Variants in LY75 observed in about 807,000 individuals in gnomAD.
LY75 encodes the protein lymphocyte antigen 75.
In LY75, 185 loss-of-function variants were observed where a neutral mutation model predicts 231.7. That is an observed-to-expected ratio of 0.80 (90% CI 0.71 to 0.90). The LOEUF (loss-of-function observed/expected upper bound fraction) is 0.90. LY75 is among the 40% of genes least tolerant of loss of function. LY75 has a pLI of 0.00. For synonymous variants in LY75, 668 were observed against 689.0 expected, an observed-to-expected ratio of 0.97 and a Z score of 0.48; for missense variants, 1,947 against 2,050.2, an observed-to-expected ratio of 0.95 and a Z score of 0.97.
Position 159,878,330 on chromosome 2 carries a change from C to T in LY75, c.1768G>A (p.Glu590Lys). 6.2e-7 allele frequency: 1 copy of T among 1,613,794 alleles called. No homozygotes were observed. The highest frequency in any genetic ancestry group is 8.5e-7 in the Non-Finnish European group (1 of 1,179,868). ...AVTFSNWNFL[E>K]PASPGGCVAM... ...CAAAGATTAAGACACTCACCTGGCT[C>T]AAGAAAATTCCAGTTGGAAAAGGTT... The change falls in exon 11 of 35, where the codon GAG (glutamate) becomes AAG (lysine). Residue 590 changes from glutamate to lysine, a missense_variant. By Grantham distance (56) the Glu-to-Lys change is moderately conservative. Transcript: ENST00000263636.
Position 159,834,160 on chromosome 2 carries a change from G to A in LY75, c.3725C>T (p.Pro1242Leu). ...KPVDSVKCPS[P>L]VLNTPWIPFQ... ...TGGTATCCACGGAGTATTTAGAACA[G>A]GAGATGGACATTTAACACTGTCAAC... is the stretch of plus-strand genomic sequence containing the variant. Residue 1242 changes from proline to leucine, a missense_variant, in exon 27 of 35, where the codon CCT (proline) becomes CTT (leucine). Coordinates refer to ENST00000263636, the MANE Select transcript of LY75 (RefSeq NM_002349.4). 6.2e-7 allele frequency: 1 copy of A among 1,614,040 alleles called. No individual in the cohort carries two copies. The highest frequency in any genetic ancestry group is 1.1e-5 in the South Asian group (1 of 91,084).
rs1053439848 is a variant in LY75, at chr2:159,818,799, T to C, written c.4153+927A>G. 2.9e-5 allele frequency among the ~76,000 whole-genome samples: 4 copies of C among 137,338 alleles called. No homozygotes were observed. In the Admixed American group the frequency reaches 3.3e-4, roughly 11 times the overall value. 90.1% of individuals were successfully genotyped at this position (137,338 alleles called of 152,430 possible). On this transcript the variant is annotated intron_variant, in intron 29 of 34. Coordinates refer to ENST00000263636, the MANE Select transcript of LY75 (RefSeq NM_002349.4). ...CCTAAAATGAAAAGTTTATTAAAGA[T>C]GTAAAAAAAATAAAGAAAGAAAGAA...
In LY75 at chr2:159,810,620, A is replaced by T; in HGVS notation, c.4605T>A (p.Asn1535Lys). ...CCTTGTACTGGATCCACCGTGACCCATTCTCTTTTGCTGCTGGACATCTTG... is the reference window on the plus strand; with the variant it reads ...CCTTGTACTGGATCCACCGTGACCCTTTCTCTTTTGCTGCTGGACATCTTG... ...YSSRCPAAKE[N>K]GSRWIQYKGH... Residue 1535 changes from asparagine to lysine, a missense_variant, in exon 32 of 35, where the codon AAT becomes AAA. By Grantham distance (94) the Asn-to-Lys change is moderately conservative. Coordinates refer to ENST00000263636, the MANE Select transcript of LY75 (RefSeq NM_002349.4). The T allele has an allele frequency of 6.2e-7, 1 of 1,614,084 alleles. No homozygotes were observed. The highest frequency in any genetic ancestry group is 1.1e-5 in the South Asian group (1 of 91,080).
intron 29 of LY75, 21 bp downstream of exon 29, chr2:159,819,703 ACT>A (rs1202456979): frequency 1.9e-6 from 3 of 1,575,170 alleles, no homozygotes; most frequent in Non-Finnish European, 1.7e-6. Context: ...GTGAAAGAAA[ACT>A]CTATATTTTA....
chr2:159,827,757 C>A (rs954748631), intron 28 of LY75, among the ~76,000 whole-genome samples: 1 of 152,160 alleles, frequency 6.6e-6, no homozygotes, highest in Non-Finnish European at 1.5e-5. Context: ...CACATAGATA[C>A]CATAGAATAC....
intron 27 of LY75, among the ~76,000 whole-genome samples, chr2:159,833,192 A>G (rs904797504): frequency 6.6e-6 from 1 of 150,494 alleles, no homozygotes; most frequent in African/African-American, 2.5e-5. Context: ...AGGTGGTTCA[A>G]TCACAGCTCA....
intron 21 of LY75, 96 bp downstream of exon 21, chr2:159,852,105 A>G (rs1684416508): frequency 6.7e-7 from 1 of 1,498,446 alleles, no homozygotes; most frequent in South Asian, 1.4e-5. Context: ...AGTCTATTTC[A>G]GTGATGTTGT....
rs748716373 is a variant in LY75, at chr2:159,898,809, CAG to C, written c.343_344del (p.Leu115ValfsTer23). ...MLWWKCEHHS[L>X]YGAARYRLAL... Reference sequence around the variant, plus strand: ...CCAGCCGGTACCGGGCAGCTCCGTACAGAGAGTGGTGCTCACATTTCCACCAC... The same window carrying C: ...CCAGCCGGTACCGGGCAGCTCCGTACAGAGTGGTGCTCACATTTCCACCAC... On this transcript the variant is annotated frameshift_variant, in exon 2 of 35. Coordinates refer to ENST00000263636, the MANE Select transcript of LY75 (RefSeq NM_002349.4). LOFTEE classifies it high-confidence loss of function. The C allele has an allele frequency of 3.1e-6, 5 of 1,614,214 alleles. No individual in the cohort carries two copies. The highest frequency in any genetic ancestry group is 1.1e-5 in the South Asian group (1 of 91,084).
intron 11 of LY75, among the ~76,000 whole-genome samples, chr2:159,878,112 C>T (rs993224994): frequency 7.2e-5 from 11 of 152,148 alleles, no homozygotes; most frequent in Non-Finnish European, 1.5e-4. Context: ...TTTGGGAGAA[C>T]TAAGTTTTTG....
At chr2:159,895,374 C>A (rs1351949757) in intron 2 of LY75, among the ~76,000 whole-genome samples, 1 of 152,158 alleles carries the variant, frequency 6.6e-6, no homozygotes, top group Non-Finnish European at 1.5e-5. Flanking sequence ...AGTTTAACCG[C>A]ATCAAAACCC....
chr2:159,841,993 C>T (rs1684045450), intron 24 of LY75, among the ~76,000 whole-genome samples: 1 of 151,812 alleles, frequency 6.6e-6, no homozygotes, highest in African/African-American at 2.4e-5. Flanking sequence ...AAATTTTAAG[C>T]CATATGATTA....
At position 159,817,964 on chromosome 2, in the gene LY75, G is replaced by A. The variant is rs551367559; in HGVS notation, c.4154-932C>T. On this transcript the variant is annotated intron_variant, in intron 29 of 34. Coordinates refer to ENST00000263636, the MANE Select transcript of LY75 (RefSeq NM_002349.4). ...CTTGGGAGGCTGAGGCAGGAGAATC[G>A]CTGGAACCCAGGAGGCAGAGGTTGC... Among the ~76,000 whole-genome samples, 12 of 152,188 alleles carry A rather than the reference G, an allele frequency of 7.9e-5. No individual in the cohort carries two copies. The South Asian group carries it at 8.3e-4, about 11-fold the overall frequency.
intron 25 of LY75, among the ~76,000 whole-genome samples, chr2:159,837,447 C>T (rs575270004): frequency 6.6e-6 from 1 of 152,100 alleles, no homozygotes; most frequent in Non-Finnish European, 1.5e-5. Context: ...ATATTGGGTA[C>T]ACATGGATGT....
At chr2:159,807,660 C>T (rs2125826172) in intron 33 of LY75, 2 of 985,284 alleles carry the variant, frequency 2.0e-6, no homozygotes, top group Non-Finnish European at 2.4e-6. Flanking sequence ...AGTGTAAACA[C>T]GATTTAGGAT....
intron 4 of LY75, among the ~76,000 whole-genome samples, chr2:159,889,921 G>T (rs144687461): frequency 6.6e-6 from 1 of 151,860 alleles, no homozygotes; most frequent in Non-Finnish European, 1.5e-5. Context: ...TTAATTATTC[G>T]CTTTTTGAAA....
At chr2:159,832,145 A>C (rs553573964) in intron 27 of LY75, among the ~76,000 whole-genome samples, 2 of 152,192 alleles carry the variant, frequency 1.3e-5, no homozygotes, top group Non-Finnish European at 2.9e-5. Flanking sequence ...TAATAATTAG[A>C]ACCTCTTAGA....
At chr2:159,883,398 TG>T (rs3842564) in intron 6 of LY75, among the ~76,000 whole-genome samples, 25,441 of 152,114 alleles carry the variant, frequency 0.17, 2,430 homozygotes, top group East Asian at 0.33. Flanking sequence ...TTTAATATTC[TG>T]AAATAGCATG....
chr2:159,901,584 T>C (rs1171507674), intron 1 of LY75, among the ~76,000 whole-genome samples: 1 of 152,204 alleles, frequency 6.6e-6, no homozygotes, highest in Non-Finnish European at 1.5e-5. Context: ...TAGAATCCAA[T>C]GGATTAGCTA....
chr2:159,857,319 G>T (rs182171443), intron 16 of LY75, among the ~76,000 whole-genome samples: 1 of 152,250 alleles, frequency 6.6e-6, no homozygotes, highest in East Asian at 1.9e-4. Context: ...TGAACTTTGG[G>T]TTCTTTGAGA....
Sources: allele counts gnomAD v4.1 joint callset (sites outside exome capture counted in the v4.1 genomes callset), GRCh38; gene constraint gnomAD v4.1.1; transcripts MANE v1.5; gene names NCBI Gene and HGNC (gene_info 2026-07-23, HGNC 2026-07-21).